Variants in IRX5 observed in about 807,000 individuals in gnomAD.
The protein encoded by IRX5 is iroquois homeobox 5, also known as iroquois-class homeodomain protein IRX-5.
IRX5 carries 8 observed loss-of-function variants against 37.6 expected under a neutral mutation model. The observed-to-expected ratio is 0.21, with a 90% CI of 0.12 to 0.38. The LOEUF (loss-of-function observed/expected upper bound fraction) is 0.38, where lower values mean the gene tolerates loss of function less well. Ranked by LOEUF, IRX5 falls within the 10% of genes least tolerant of loss-of-function variation. IRX5 has a pLI of 1.00. For synonymous variants in IRX5, 359 were observed against 328.6 expected (o/e 1.09, Z -1.00); for missense variants, 635 against 695.2 (o/e 0.91, Z 0.97).
chr16:54,934,143 T>G lies in IRX5; in HGVS notation c.*270T>G, dbSNP rs1963941932. On this transcript the variant is annotated 3_prime_UTR_variant, in exon 3 of 3. Transcript: ENST00000394636. ...TAATGTAGCATTTTTGTATTTAAAT[T>G]GATAATTCAATATCTTTGAAGTAAA... 2 of 275,162 alleles carry G rather than the reference T, an allele frequency of 7.3e-6. No individual in the cohort carries two copies. Among genetic ancestry groups the G allele is most frequent in the African/African-American group, 4.3e-5 (2 of 45,990 alleles). The allele number at this position is 275,162 out of a possible 1,614,324, so 17.0% of individuals were successfully genotyped here.
chr16:54,933,287 C>T lies in IRX5; in HGVS notation c.866C>T (p.Pro289Leu), dbSNP rs1198398155. Residue 289 changes from proline (P) to leucine (L), a missense_variant, in exon 3 of 3, where the codon CCT (proline) becomes CTT (leucine). By Grantham distance (98) the Pro-to-Leu change is moderately conservative (BLOSUM62 -3). Around this residue, in one of 5 missense-constraint regions of IRX5, gnomAD observed 244 missense variants for 205.4 expected, o/e 1.19. Transcript: ENST00000394636. ...GCGCGGCTGGCGGAGGACCCGGCCCCTCACTACCCCGCCGGAGCGCCGGCG... is the reference window on the plus strand; with the variant it reads ...GCGCGGCTGGCGGAGGACCCGGCCCTTCACTACCCCGCCGGAGCGCCGGCG... ...AAARLAEDPA[P>L]HYPAGAPAPG... The T allele has an allele frequency of 1.0e-5, 14 of 1,375,118 alleles. No individual in the cohort carries two copies. Among genetic ancestry groups the T allele is most frequent in the Non-Finnish European group, 1.3e-5 (14 of 1,072,814 alleles). 85.2% of individuals were successfully genotyped at this position (1,375,118 alleles called of 1,614,324 possible). A position where few individuals can be genotyped will look rare whatever the true frequency, so the allele number is the denominator to read the frequency against.
rs750550817 is a variant in IRX5 at position 54,931,249 on chromosome 16, C to T, written c.51C>T (p.Leu17=). ...ACCAGCCGTCCGCCTCGCTGGCGCT[C>T]TACTCGTGCCCGGCGTACAGCACCA... ...YLYQPSASLA[L]YSCPAYSTSV... is the part of the protein sequence containing the mutation. Residue 17 remains leucine, a synonymous_variant, in exon 1 of 3, where the codon CTC becomes CTT. Transcript: ENST00000394636. 2 of 1,612,196 alleles carry T rather than the reference C, an allele frequency of 1.2e-6. No homozygotes were observed. The highest frequency in any genetic ancestry group is 4.5e-5 in the East Asian group (2 of 44,838).
In IRX5 at chr16:54,931,183, A is replaced by C; in HGVS notation, c.-16A>C. The C allele has an allele frequency of 6.4e-7, 1 of 1,558,226 alleles. No homozygotes were observed. The highest frequency in any genetic ancestry group is 8.7e-7 in the Non-Finnish European group (1 of 1,154,794). On this transcript the variant is annotated 5_prime_UTR_variant, in exon 1 of 3. It removes an upstream start codon present in the reference 5' UTR. Coordinates refer to ENST00000394636, the MANE Select transcript of IRX5 (RefSeq NM_005853.6). ...TGGCGGCCGCGGCGCGGCGCGCCCC[A>C]TGCCCGTGTGTGGCCATGTCCTATC...
At position 54,931,414 on chromosome 16, in the gene IRX5, G is replaced by GGCCGCCGCCGCCGCC; in HGVS notation, c.220_234dup (p.Ala74_Ala78dup). ...ACCTCCAGTACGGCGCCGACCCCGC[G>GGCCGCCGCCGCCGCC]GCCGCCGCCGCCGCCGCCTTCTCCT... On this transcript the variant is annotated inframe_insertion, in exon 1 of 3. Coordinates refer to ENST00000394636, the MANE Select transcript of IRX5 (RefSeq NM_005853.6). 2 of 1,591,960 alleles carry GGCCGCCGCCGCCGCC rather than the reference G, an allele frequency of 1.3e-6. No individual in the cohort carries two copies. The highest frequency in any genetic ancestry group is 1.7e-6 in the Non-Finnish European group (2 of 1,176,272).
rs1353039917 is a variant in IRX5 at position 54,933,890 on chromosome 16, C to T, written c.*17C>T. The T allele has an allele frequency of 1.3e-6, 2 of 1,551,772 alleles. No individual in the cohort carries two copies. The highest frequency in any genetic ancestry group is 1.2e-5 in the South Asian group (1 of 82,214). On this transcript the variant is annotated 3_prime_UTR_variant, in exon 3 of 3. Transcript: ENST00000394636. Reference sequence around the variant, plus strand: ...GACATTTAACGCGGGCTGCGTCGGTCCCGGACTTTTCTAATTTATTAAAAA... The same window carrying T: ...GACATTTAACGCGGGCTGCGTCGGTTCCGGACTTTTCTAATTTATTAAAAA...
rs1217296780 is a variant in IRX5 at position 54,933,354 on chromosome 16, C to T, written c.933C>T (p.Pro311=). Residue 311 remains proline, a synonymous_variant, in exon 3 of 3, where the codon CCC becomes CCT. Coordinates refer to ENST00000394636, the MANE Select transcript of IRX5 (RefSeq NM_005853.6). ...HPAAGEVPPG[P]GGPSVIHSPP... ...CCGCGGGCGAGGTGCCTCCGGGTCCCGGCGGGCCCTCGGTTATCCATTCGC... is the reference window on the plus strand; with the variant it reads ...CCGCGGGCGAGGTGCCTCCGGGTCCTGGCGGGCCCTCGGTTATCCATTCGC... The T allele has an allele frequency of 6.7e-7, 1 of 1,498,978 alleles. No homozygotes were observed. Among genetic ancestry groups the T allele is most frequent in the South Asian group, 1.3e-5 (1 of 79,318 alleles). 92.9% of individuals were successfully genotyped at this position (1,498,978 alleles called of 1,614,324 possible). A position where few individuals can be genotyped will look rare whatever the true frequency, so the allele number is the denominator to read the frequency against.
intron 1 of IRX5, 108 bp downstream of exon 1, chr16:54,931,555 G>T (rs964405791): frequency 4.0e-5 from 55 of 1,372,922 alleles, no homozygotes; most frequent in Non-Finnish European, 5.2e-5. Context: ...CCCCCGCCAA[G>T]CTTCGCGGCC....
Position 54,933,314 on chromosome 16 carries a change from C to T in IRX5, c.893C>T (p.Pro298Leu), listed in dbSNP as rs1240086604. The change falls in exon 3 of 3, where the codon CCC becomes CTC. Residue 298 changes from proline to leucine, a missense_variant. Physicochemically the swap from Pro to Leu is moderately conservative, Grantham distance 98. Transcript: ENST00000394636. The part of the protein sequence containing the change: ...APHYPAGAPA[P>L]GPHPAAGEVP... ...CACTACCCCGCCGGAGCGCCGGCGC[C>T]CGGCCCGCATCCAGCCGCGGGCGAG... 1 of 1,432,476 alleles carries T rather than the reference C, an allele frequency of 7.0e-7. No individual in the cohort carries two copies. Among genetic ancestry groups the T allele is most frequent in the Non-Finnish European group, 9.1e-7 (1 of 1,098,800 alleles). The allele number at this position is 1,432,476 out of a possible 1,614,324, so 88.7% of individuals were successfully genotyped here.
rs1235861064 is a variant in IRX5, at chr16:54,933,944, C to T, written c.*71C>T. On this transcript the variant is annotated 3_prime_UTR_variant, in exon 3 of 3. Coordinates refer to ENST00000394636, the MANE Select transcript of IRX5 (RefSeq NM_005853.6). ...GGCCTTGGCAGTTATTTTTCCATCACCGAGAGAGAGAGACAGAGAGAGAAA... is the reference window on the plus strand; with the variant it reads ...GGCCTTGGCAGTTATTTTTCCATCATCGAGAGAGAGAGACAGAGAGAGAAA... 5 of 1,425,286 alleles carry T rather than the reference C, an allele frequency of 3.5e-6. No homozygotes were observed. The highest frequency in any genetic ancestry group is 4.7e-6 in the Non-Finnish European group (5 of 1,072,230). The allele number at this position is 1,425,286 out of a possible 1,614,324, so 88.3% of individuals were successfully genotyped here. A position where few individuals can be genotyped will look rare whatever the true frequency, so the allele number is the denominator to read the frequency against.
Position 54,932,169 on chromosome 16 carries a change from G to T in IRX5, c.250-329G>T, listed in dbSNP as rs776563456. ...GCCTCAGTTGCCCAGGCCTCTATCT[G>T]CATGGAGGGCCGGGCCGCCGTGGCC... is the stretch of plus-strand genomic sequence containing the variant. On this transcript the variant is annotated intron_variant, in intron 1 of 2. Coordinates refer to ENST00000394636, the MANE Select transcript of IRX5 (RefSeq NM_005853.6). This position sits in a 1 kb window ranked among gnomAD's most constrained non-coding sequence, Gnocchi z 6.7. The T allele has an allele frequency of 4.3e-6, 3 of 702,888 alleles. No homozygotes were observed. The South Asian group carries it at 4.4e-5, about 10-fold the overall frequency. 43.5% of individuals were successfully genotyped at this position (702,888 alleles called of 1,614,324 possible).
rs1395751801 is a variant in IRX5 at position 54,933,984 on chromosome 16, C to G, written c.*111C>G. 8.8e-7 allele frequency: 1 copy of G among 1,131,470 alleles called. No homozygotes were observed. The allele number at this position is 1,131,470 out of a possible 1,614,324, so 70.1% of individuals were successfully genotyped here. On this transcript the variant is annotated 3_prime_UTR_variant, in exon 3 of 3. Coordinates refer to ENST00000394636, the MANE Select transcript of IRX5 (RefSeq NM_005853.6). ...AGAGAGAGAAAATAAACTACCCCTC[C>G]TATTCAGAAGTTTATAGTTTATGGA...
chr16:54,933,472 G>A lies in IRX5; in HGVS notation c.1051G>A (p.Gly351Ser). 6.2e-7 allele frequency: 1 copy of A among 1,611,988 alleles called. No homozygotes were observed. The highest frequency in any genetic ancestry group is 8.5e-7 in the Non-Finnish European group (1 of 1,179,466). ...ATSSDKVKDG[G>S]GGNEGSPCPP... Reference sequence around the variant, plus strand: ...ATCGTCGGACAAGGTCAAGGACGGGGGCGGCGGGAACGAGGGCTCTCCATG... The same window carrying A: ...ATCGTCGGACAAGGTCAAGGACGGGAGCGGCGGGAACGAGGGCTCTCCATG... Residue 351 changes from glycine to serine, a missense_variant, in exon 3 of 3, where the codon GGC (glycine) becomes AGC (serine). Coordinates refer to ENST00000394636, the MANE Select transcript of IRX5 (RefSeq NM_005853.6).
Position 54,932,487 on chromosome 16 carries a change from C to T in IRX5, c.250-11C>T. On this transcript the variant is annotated splice_polypyrimidine_tract_variant and intron_variant, in intron 1 of 2. Coordinates refer to ENST00000394636, the MANE Select transcript of IRX5 (RefSeq NM_005853.6). This position sits in a 1 kb window ranked among gnomAD's most constrained non-coding sequence, Gnocchi z 6.7. ...ACGGTCCACACTCACCTCTCTGCGT[C>T]TCCACCGCAGGGCTCTCCCTACGAC... 6.3e-7 allele frequency: 1 copy of T among 1,598,196 alleles called. No individual in the cohort carries two copies. Among genetic ancestry groups the T allele is most frequent in the Non-Finnish European group, 8.5e-7 (1 of 1,171,070 alleles).
Position 54,933,259 on chromosome 16 carries a change from G to A in IRX5, c.838G>A (p.Ala280Thr). Residue 280 changes from alanine (A) to threonine (T), a missense_variant, in exon 3 of 3, where the codon GCG becomes ACG. By Grantham distance (58) the Ala-to-Thr change is moderately conservative. Around this residue, in one of 5 missense-constraint regions of IRX5, gnomAD observed 244 missense variants for 205.4 expected, o/e 1.19. Transcript: ENST00000394636. ...CGGGCCCTCCCCGGCTGGGCCAGCG[G>A]CGGCGCGGCTGGCGGAGGACCCGGC... ...TGGPSPAGPA[A>T]ARLAEDPAPH... 1 of 1,328,912 alleles carries A rather than the reference G, an allele frequency of 7.5e-7. No homozygotes were observed. The highest frequency in any genetic ancestry group is 9.5e-7 in the Non-Finnish European group (1 of 1,050,342). 82.3% of individuals were successfully genotyped at this position (1,328,912 alleles called of 1,614,324 possible).
Position 54,933,071 on chromosome 16 carries a change from C to T in IRX5, c.656-6C>T. 1 of 1,599,816 alleles carries T rather than the reference C, an allele frequency of 6.3e-7. No homozygotes were observed. ...GCGCCCCTGACAGCCTGGGTTTCGC[C>T]CGCAGGAGGAGCTGAGCAGAAGGCG... On this transcript the variant is annotated splice_region_variant and splice_polypyrimidine_tract_variant and intron_variant, in intron 2 of 2. Transcript: ENST00000394636.
At position 54,932,969 on chromosome 16, in the gene IRX5, C is replaced by T; in HGVS notation, c.655+66C>T. 1.9e-6 allele frequency: 3 copies of T among 1,583,890 alleles called. No homozygotes were observed. Among genetic ancestry groups the T allele is most frequent in the Admixed American group, 1.8e-5 (1 of 54,812 alleles). ...AAGGAAAAGAGAGGCCTGGAGGGGGCGCGCACGGGGCCTGGAGGTTGGGGG... is the reference window on the plus strand; with the variant it reads ...AAGGAAAAGAGAGGCCTGGAGGGGGTGCGCACGGGGCCTGGAGGTTGGGGG... On this transcript the variant is annotated intron_variant, in intron 2 of 2. Transcript: ENST00000394636. This position sits in a 1 kb window ranked among gnomAD's most constrained non-coding sequence, Gnocchi z 6.7.
rs762108202 is a variant in IRX5, at chr16:54,932,481, C to T, written c.250-17C>T. On this transcript the variant is annotated splice_polypyrimidine_tract_variant and intron_variant, in intron 1 of 2. Transcript: ENST00000394636. This position sits in a 1 kb window ranked among gnomAD's most constrained non-coding sequence, Gnocchi z 6.7. The stretch of plus-strand genomic sequence containing the variant: ...GAGACCACGGTCCACACTCACCTCT[C>T]TGCGTCTCCACCGCAGGGCTCTCCC... 1 of 1,594,372 alleles carries T rather than the reference C, an allele frequency of 6.3e-7. No individual in the cohort carries two copies. Among genetic ancestry groups the T allele is most frequent in the Non-Finnish European group, 8.6e-7 (1 of 1,169,262 alleles).
Position 54,933,517 on chromosome 16 carries a change from A to G in IRX5, c.1096A>G (p.Ile366Val), listed in dbSNP as rs753071014. 1.9e-6 allele frequency: 3 copies of G among 1,610,070 alleles called. No individual in the cohort carries two copies. The highest frequency in any genetic ancestry group is 2.5e-6 in the Non-Finnish European group (3 of 1,178,448). ...GSPCPPCPGP[I>V]AGQALGGSRA... ...TCCATGCCCACCGTGTCCCGGGCCC[A>G]TAGCCGGGCAAGCCCTAGGAGGCAG... The change falls in exon 3 of 3, where the codon ATA becomes GTA. Residue 366 changes from isoleucine (I) to valine (V), a missense_variant. Ile to Val is a conservative substitution (Grantham distance 29). Transcript: ENST00000394636.
At chr16:54,931,906 C>A (rs1963902076) in intron 1 of IRX5, 1 of 605,652 alleles carries the variant, frequency 1.7e-6, no homozygotes, top group African/African-American at 1.9e-5. Context: ...CTTCGCAATC[C>A]GATTTGGGAG....
Sources: allele counts gnomAD v4.1 joint callset, GRCh38; gene constraint gnomAD v4.1.1; regional missense constraint gnomAD v4.1.1; non-coding constraint Gnocchi (gnomAD v3.1); transcripts MANE v1.5; gene names NCBI Gene and HGNC (gene_info 2026-07-23, HGNC 2026-07-21).